The following COL23A1 variants were observed in gnomAD, a reference collection of about 807,000 sequenced individuals.
COL23A1 encodes the protein collagen alpha-1(XXIII) chain.
Under a neutral mutation model 99.3 loss-of-function variants are expected in COL23A1, and 97 were observed. That is an observed-to-expected ratio of 0.98 (90% CI 0.83 to 1.16). The LOEUF is 1.16. COL23A1 is among the 50% of genes most tolerant of loss of function. The pLI is 0.00. For synonymous variants in COL23A1, 320 were observed against 308.2 expected (o/e 1.04, Z -0.40); for missense variants, 762 against 757.4 (o/e 1.01, Z -0.07).
intron 2 of COL23A1, among the ~76,000 whole-genome samples, chr5:178,418,974 C>T (rs1371475629): frequency 6.6e-6 from 1 of 152,216 alleles, no homozygotes; most frequent in Admixed American, 6.5e-5. Flanking sequence ...CTCTGCCTGC[C>T]TCATCCACTT....
chr5:178,545,162 G>A (rs1218426309), intron 2 of COL23A1, among the ~76,000 whole-genome samples: 1 of 151,964 alleles, frequency 6.6e-6, no homozygotes, highest in Admixed American at 6.6e-5. Flanking sequence ...GGGGGTGGGG[G>A]GTGTTCTAGT....
In COL23A1 at chr5:178,560,704, T is replaced by C. The variant is rs1345339577; in HGVS notation, c.339A>G (p.Pro113=). The C allele has an allele frequency of 1.2e-6, 2 of 1,611,842 alleles. No homozygotes were observed. The highest frequency in any genetic ancestry group is 1.7e-5 in the Admixed American group (1 of 59,696). Residue 113 remains proline, a synonymous_variant, in exon 2 of 29, where the codon CCA becomes CCG. Coordinates refer to ENST00000390654, the MANE Select transcript of COL23A1 (RefSeq NM_173465.4). ...TACCTGGGGGGCAGACACATTCGGA[T>C]GGAGCTTCCCGAGCAGTCCGGATCT... ...LAKIRTAREA[P]SECVCPPGPP... is the part of the protein sequence containing the mutation.
intron 1 of COL23A1, among the ~76,000 whole-genome samples, chr5:178,577,103 G>A (rs968162887): frequency 1.3e-5 from 2 of 152,144 alleles, no homozygotes; most frequent in African/African-American, 2.4e-5. Flanking sequence ...CCTGTGGGCC[G>A]AGGCCCCGGC....
chr5:178,288,442 G>A, intron 4 of COL23A1, 92 bp from the exon 5 acceptor site: 7 of 1,086,670 alleles, frequency 6.4e-6, no homozygotes, highest in Middle Eastern at 4.0e-4. Context: ...ACCCACACCC[G>A]CCCCCCGACA....
chr5:178,346,012 G>C (rs1760949281), intron 2 of COL23A1, among the ~76,000 whole-genome samples: 1 of 151,934 alleles, frequency 6.6e-6, no homozygotes, highest in African/African-American at 2.4e-5. Context: ...TAGAGTTATA[G>C]AGTTATTATA....
At chr5:178,551,432 A>AAAT (rs1761999866) in intron 2 of COL23A1, among the ~76,000 whole-genome samples, 1 of 152,144 alleles carries the variant, frequency 6.6e-6, no homozygotes, top group African/African-American at 2.4e-5. Context: ...TGGGTCTTAC[A>AAAT]AATTGGTTCT....
In COL23A1 at chr5:178,278,333, C is replaced by A. The variant is rs548562611; in HGVS notation, c.442-7970G>T. ...CCCCCTAGGCTGTGGGGTGGGCCCT[C>A]CTTGGTTTCCACAGACAATTGTCAC... On this transcript the variant is annotated intron_variant, in intron 5 of 28. Coordinates refer to ENST00000390654, the MANE Select transcript of COL23A1 (RefSeq NM_173465.4). Among the ~76,000 whole-genome samples, 27 of 152,218 alleles carry A rather than the reference C, an allele frequency of 1.8e-4. No individual in the cohort carries two copies. In the South Asian group the frequency reaches 3.5e-3, roughly 20 times the overall value.
intron 2 of COL23A1, among the ~76,000 whole-genome samples, chr5:178,397,823 C>T (rs2127760007): frequency 6.6e-6 from 1 of 152,216 alleles, no homozygotes; most frequent in Non-Finnish European, 1.5e-5. Context: ...CCCGTCTCTA[C>T]TAAAAATACA....
At chr5:178,328,507 T>G (rs771909820) in intron 2 of COL23A1, among the ~76,000 whole-genome samples, 1 of 152,214 alleles carries the variant, frequency 6.6e-6, no homozygotes, top group Non-Finnish European at 1.5e-5. Flanking sequence ...ACTCAACGGC[T>G]CTGGGCCTTA....
intron 2 of COL23A1, among the ~76,000 whole-genome samples, chr5:178,431,940 C>T (rs1005635333): frequency 6.6e-6 from 1 of 152,140 alleles, no homozygotes; most frequent in Non-Finnish European, 1.5e-5. Flanking sequence ...AGACTAAACA[C>T]GGGATGGGGG....
At chr5:178,479,556 G>A (rs1581469398) in intron 2 of COL23A1, among the ~76,000 whole-genome samples, 2 of 152,304 alleles carry the variant, frequency 1.3e-5, no homozygotes, top group South Asian at 2.1e-4. Context: ...CATGGGACCC[G>A]TTCCCAGGAA....
chr5:178,479,606 T>C (rs1202037417), intron 2 of COL23A1, among the ~76,000 whole-genome samples: 1 of 152,212 alleles, frequency 6.6e-6, no homozygotes, highest in African/African-American at 2.4e-5. Context: ...GATGAGATGA[T>C]ACATGTTAGG....
chr5:178,506,492 G>A (rs957101347), intron 2 of COL23A1, among the ~76,000 whole-genome samples: 4 of 152,194 alleles, frequency 2.6e-5, no homozygotes, highest in Non-Finnish European at 5.9e-5. Context: ...GGGCAGGCAT[G>A]AGCAAAGAGC....
chr5:178,357,855 A>T (rs1561894950), intron 2 of COL23A1, among the ~76,000 whole-genome samples: 2 of 143,272 alleles, frequency 1.4e-5, no homozygotes, highest in African/African-American at 2.6e-5. Context: ...TCTAATGTGT[A>T]TGTGTATGTA....
intron 2 of COL23A1, among the ~76,000 whole-genome samples, chr5:178,535,016 G>T (rs1233114071): frequency 2.0e-5 from 3 of 148,136 alleles, no homozygotes; most frequent in Admixed American, 1.3e-4. Context: ...TGTCGCCCAG[G>T]CTGGAGTGCG....
chr5:178,552,260 C>A (rs1379236031), intron 2 of COL23A1, among the ~76,000 whole-genome samples: 1 of 152,060 alleles, frequency 6.6e-6, no homozygotes, highest in Non-Finnish European at 1.5e-5. Flanking sequence ...GTCAATAGCT[C>A]CCCCAGGACC....
chr5:178,447,041 T>C (rs1767197926), intron 2 of COL23A1, among the ~76,000 whole-genome samples: 1 of 152,198 alleles, frequency 6.6e-6, no homozygotes, highest in Non-Finnish European at 1.5e-5. Flanking sequence ...TGATTATATC[T>C]TCCTTATTTC....
At chr5:178,474,655 C>T (rs1251380720) in intron 2 of COL23A1, among the ~76,000 whole-genome samples, 2 of 152,152 alleles carry the variant, frequency 1.3e-5, no homozygotes, top group Non-Finnish European at 2.9e-5. Context: ...AAATATTCAT[C>T]GATTCACTCA....
chr5:178,498,254 A>ATG (rs1758332817), intron 2 of COL23A1, among the ~76,000 whole-genome samples: 1 of 90,722 alleles, frequency 1.1e-5, no homozygotes, highest in Non-Finnish European at 2.3e-5. Flanking sequence ...ATATATATAT[A>ATG]TATAAAAGAA....
Sources: allele counts gnomAD v4.1 joint callset (sites outside exome capture counted in the v4.1 genomes callset), GRCh38; gene constraint gnomAD v4.1.1; transcripts MANE v1.5; gene names NCBI Gene and HGNC (gene_info 2026-07-23, HGNC 2026-07-21).